B3GNT6: variants seen among roughly 807,000 people sequenced by gnomAD.
B3GNT6 encodes the protein acetylgalactosaminyl-O-glycosyl-glycoprotein beta-1,3-N-acetylglucosaminyltransferase.
For missense variants in B3GNT6, 624 were observed against 568.6 expected (o/e 1.10, Z -0.99); for synonymous variants, 300 against 270.0 (o/e 1.11, Z -1.09).
intron 1 of B3GNT6, among the ~76,000 whole-genome samples, chr11:77,036,246 G>A (rs782126691): frequency 1.5e-4 from 23 of 152,134 alleles, no homozygotes; most frequent in Non-Finnish European, 1.9e-4. Context: ...AGCTTATCTC[G>A]CAAGCCCTCT....
chr11:77,039,482 G>A (rs1949664105), intron 1 of B3GNT6, 70 bp from the exon 2 acceptor site: 1 of 1,512,130 alleles, frequency 6.6e-7, no homozygotes, highest in East Asian at 2.4e-5. Context: ...AGAAGTGACG[G>A]GGTACGGGTG....
intron 1 of B3GNT6, 64 bp from the exon 2 acceptor site, chr11:77,039,488 G>A (rs1003592564): frequency 2.6e-6 from 4 of 1,517,386 alleles, no homozygotes; most frequent in African/African-American, 2.8e-5. Context: ...GACGGGGTAC[G>A]GGTGGTGTCC....
At position 77,040,055 on chromosome 11, in the gene B3GNT6, G is replaced by A. The variant is rs1017033463; in HGVS notation, c.504G>A (p.Ala168=). The A allele has an allele frequency of 5.7e-6, 9 of 1,571,706 alleles. No individual in the cohort carries two copies. In the South Asian group the frequency reaches 8.0e-5, roughly 14 times the overall value. ...CGGGCCCCGAGGACGAGGCGCGCGC[G>A]GAGCGGCTGGCGGAGCTGGTGGCGC... The part of the protein sequence containing the change: ...GTPGPEDEAR[A]ERLAELVALE... The change falls in exon 2 of 2, where the codon GCG becomes GCA. Residue 168 remains alanine, a synonymous_variant. Coordinates refer to ENST00000622824, the MANE Select transcript of B3GNT6 (RefSeq NM_138706.5).
chr11:77,036,784 C>T (rs911911486), intron 1 of B3GNT6, among the ~76,000 whole-genome samples: 6 of 152,218 alleles, frequency 3.9e-5, no homozygotes, highest in Non-Finnish European at 7.3e-5. Flanking sequence ...TAACCTCCCA[C>T]CCTATGCAGG....
Position 77,039,823 on chromosome 11 carries a change from A to T in B3GNT6, c.272A>T (p.Asp91Val). 6.4e-7 allele frequency: 1 copy of T among 1,574,798 alleles called. No homozygotes were observed. The change falls in exon 2 of 2, where the codon GAC becomes GTC. Residue 91 changes from aspartate (D) to valine (V), a missense_variant. By Grantham distance (152) the Asp-to-Val change is radical. Transcript: ENST00000622824. Reference sequence around the variant, plus strand: ...GAGCAGCTGCCCGCGCGCATCCAGGACTTCCTGCGGTACCGCCACTGCCGC... The same window carrying T: ...GAGCAGCTGCCCGCGCGCATCCAGGTCTTCCTGCGGTACCGCCACTGCCGC... ...DFEQLPARIQ[D>V]FLRYRHCRHF...
At chr11:77,036,557 G>A (rs1415148627) in intron 1 of B3GNT6, among the ~76,000 whole-genome samples, 3 of 152,124 alleles carry the variant, frequency 2.0e-5, no homozygotes, top group Admixed American at 1.3e-4. Flanking sequence ...AATATTTATC[G>A]GCACCTTGAT....
At position 77,040,019 on chromosome 11, in the gene B3GNT6, A is replaced by G. The variant is rs371112742; in HGVS notation, c.468A>G (p.Leu156=). Residue 156 remains leucine (L), a synonymous_variant, in exon 2 of 2, where the codon CTA becomes CTG. Transcript: ENST00000622824. The part of the protein sequence containing the change: ...YGGRPVRRLF[L]LGTPGPEDEA... The stretch of plus-strand genomic sequence containing the variant: ...GGCGGCCAGTGCGCCGCCTCTTTCT[A>G]TTGGGCACCCCGGGCCCCGAGGACG... 1.3e-6 allele frequency: 2 copies of G among 1,579,226 alleles called. No homozygotes were observed. Among genetic ancestry groups the G allele is most frequent in the Admixed American group, 1.7e-5 (1 of 57,510 alleles).
chr11:77,041,159 C>T lies in B3GNT6; in HGVS notation c.*453C>T, dbSNP rs754213742. ...TGCCTACAAATGTCAGTTGTGATTT[C>T]CACTGTTTACAAGTGAGTGGAGCTG... is the stretch of plus-strand genomic sequence containing the variant. On this transcript the variant is annotated 3_prime_UTR_variant, in exon 2 of 2. Transcript: ENST00000622824. 2.6e-4 allele frequency: 42 copies of T among 163,224 alleles called. No homozygotes were observed. The highest frequency in any genetic ancestry group is 4.7e-4 in the Non-Finnish European group (36 of 75,940). 10.1% of individuals were successfully genotyped at this position (163,224 alleles called of 1,614,324 possible). A position where few individuals can be genotyped will look rare whatever the true frequency, so the allele number is the denominator to read the frequency against.
At position 77,039,672 on chromosome 11, in the gene B3GNT6, A is replaced by T; in HGVS notation, c.121A>T (p.Arg41Trp). ...GGCGCCAAGGTCCCCGCGGGAGGAG[A>T]GGTCCCCGCAGGAGGAGACGCCAGA... ...LQAPRSPREE[R>W]SPQEETPEGP... The change falls in exon 2 of 2, where the codon AGG becomes TGG. Residue 41 changes from arginine to tryptophan, a missense_variant. Coordinates refer to ENST00000622824, the MANE Select transcript of B3GNT6 (RefSeq NM_138706.5). 6.2e-7 allele frequency: 1 copy of T among 1,612,544 alleles called. No individual in the cohort carries two copies. The highest frequency in any genetic ancestry group is 8.5e-7 in the Non-Finnish European group (1 of 1,179,594).
chr11:77,034,735 G>A (rs933006636), intron 1 of B3GNT6, among the ~76,000 whole-genome samples: 6 of 152,140 alleles, frequency 3.9e-5, no homozygotes, highest in African/African-American at 9.7e-5. Context: ...TCTGCTATAC[G>A]AATATTCCTC....
rs782220216 is a variant in B3GNT6 at position 77,040,249 on chromosome 11, T to G, written c.698T>G (p.Val233Gly). The change falls in exon 2 of 2, where the codon GTC becomes GGC. Residue 233 changes from valine (V) to glycine (G), a missense_variant. Physicochemically the swap from Val to Gly is moderately radical, Grantham distance 109. Transcript: ENST00000622824. ...DDVFVHTANVVRFLQAQPPGR... is the reference protein window; with the variant it reads ...DDVFVHTANVGRFLQAQPPGR... ...GTGTTCGTGCACACCGCCAACGTAGTCCGCTTCCTGCAGGCGCAGCCACCC... is the reference window on the plus strand; with the variant it reads ...GTGTTCGTGCACACCGCCAACGTAGGCCGCTTCCTGCAGGCGCAGCCACCC... 6.3e-7 allele frequency: 1 copy of G among 1,598,652 alleles called. No homozygotes were observed. Among genetic ancestry groups the G allele is most frequent in the Admixed American group, 1.7e-5 (1 of 59,934 alleles).
At chr11:77,036,214 C>G (rs7115080) in intron 1 of B3GNT6, among the ~76,000 whole-genome samples, 39,244 of 152,044 alleles carry the variant, frequency 0.26, 6,321 homozygotes, top group South Asian at 0.37. Context: ...ACTGAGTAGA[C>G]AGTTGACGGT....
At position 77,041,711 on chromosome 11, in the gene B3GNT6, C is replaced by G. The variant is rs1358781891; in HGVS notation, c.*1005C>G. On this transcript the variant is annotated 3_prime_UTR_variant, in exon 2 of 2. Transcript: ENST00000622824. ...AGGTGGCTCACGCCTGTAATCCCAGCACTTTGGGAGGCTGAGGAGGTCGGA... is the reference window on the plus strand; with the variant it reads ...AGGTGGCTCACGCCTGTAATCCCAGGACTTTGGGAGGCTGAGGAGGTCGGA... 10 of 152,780 alleles carry G rather than the reference C, an allele frequency of 6.5e-5. No individual in the cohort carries two copies. Among genetic ancestry groups the G allele is most frequent in the African/African-American group, 2.2e-4 (9 of 41,580 alleles). 9.5% of individuals were successfully genotyped at this position (152,780 alleles called of 1,614,324 possible).
chr11:77,041,358 A>G lies in B3GNT6; in HGVS notation c.*652A>G, dbSNP rs1488086227. On this transcript the variant is annotated 3_prime_UTR_variant, in exon 2 of 2. Transcript: ENST00000622824. ...CAGAGGCCCGGTCAGACAGTGACTA[A>G]TCCAGGGCCGTGGCATTCCCAGACA... 1 of 152,496 alleles carries G rather than the reference A, an allele frequency of 6.6e-6. No individual in the cohort carries two copies. The highest frequency in any genetic ancestry group is 1.5e-5 in the Non-Finnish European group (1 of 68,264). 9.4% of individuals were successfully genotyped at this position (152,496 alleles called of 1,614,324 possible). A position where few individuals can be genotyped will look rare whatever the true frequency, so the allele number is the denominator to read the frequency against.
Position 77,039,578 on chromosome 11 carries a change from G to T in B3GNT6, c.27G>T (p.Leu9=). ...TGGCTTTTCCCTGCCGCAGGTCCCT[G>T]ACTGCCAAGACTCTGGCCTGCCTCC... is the stretch of plus-strand genomic sequence containing the variant. MAFPCRRS[L]TAKTLACLLV... The change falls in exon 2 of 2, where the codon CTG becomes CTT. Residue 9 remains leucine (L), a synonymous_variant. Coordinates refer to ENST00000622824, the MANE Select transcript of B3GNT6 (RefSeq NM_138706.5). The T allele has an allele frequency of 6.3e-7, 1 of 1,589,662 alleles. No individual in the cohort carries two copies. Among genetic ancestry groups the T allele is most frequent in the Non-Finnish European group, 8.6e-7 (1 of 1,168,352 alleles).
intron 1 of B3GNT6, 32 bp from the exon 2 acceptor site, chr11:77,039,520 C>G: frequency 6.5e-7 from 1 of 1,531,650 alleles, no homozygotes; most frequent in Non-Finnish European, 8.8e-7. Context: ...AAGACGACTT[C>G]CGGCTCACCT....
intron 1 of B3GNT6, among the ~76,000 whole-genome samples, chr11:77,034,929 C>T (rs538386886): frequency 1.2e-4 from 18 of 152,174 alleles, no homozygotes; most frequent in African/African-American, 2.4e-5. Flanking sequence ...GAGGCCATGG[C>T]GGGTGGCTCA....
rs1555027858 is a variant in B3GNT6 at position 77,040,620 on chromosome 11, C to T, written c.1069C>T (p.Arg357Cys). Reference protein sequence around the residue: ...CMYRELLLVHRFAPYEMLLMW... With the variant: ...CMYRELLLVHCFAPYEMLLMW... ...GTACCGCGAGTTGCTGCTAGTGCAC[C>T]GCTTCGCGCCCTACGAGATGCTGCT... Residue 357 changes from arginine (R) to cysteine (C), a missense_variant, in exon 2 of 2, where the codon CGC (arginine) becomes TGC (cysteine). Coordinates refer to ENST00000622824, the MANE Select transcript of B3GNT6 (RefSeq NM_138706.5). 2.5e-6 allele frequency: 4 copies of T among 1,598,792 alleles called. No homozygotes were observed. The highest frequency in any genetic ancestry group is 1.7e-5 in the Admixed American group (1 of 59,686).
chr11:77,039,978 G>C lies in B3GNT6; in HGVS notation c.427G>C (p.Glu143Gln), dbSNP rs1345404402. The change falls in exon 2 of 2, where the codon GAG (glutamate) becomes CAG (glutamine). Residue 143 changes from glutamate (E) to glutamine (Q), a missense_variant. Coordinates refer to ENST00000622824, the MANE Select transcript of B3GNT6 (RefSeq NM_138706.5). Reference protein sequence around the residue: ...RELIRRTWGQERSYGGRPVRR... With the variant: ...RELIRRTWGQQRSYGGRPVRR... Reference sequence around the variant, plus strand: ...GCTCATCCGGCGCACGTGGGGGCAAGAGCGCAGCTACGGCGGGCGGCCAGT... The same window carrying C: ...GCTCATCCGGCGCACGTGGGGGCAACAGCGCAGCTACGGCGGGCGGCCAGT... 1 of 1,589,500 alleles carries C rather than the reference G, an allele frequency of 6.3e-7. No homozygotes were observed. Among genetic ancestry groups the C allele is most frequent in the African/African-American group, 1.4e-5 (1 of 73,864 alleles).
Sources: allele counts gnomAD v4.1 joint callset (sites outside exome capture counted in the v4.1 genomes callset), GRCh38; gene constraint gnomAD v4.1.1; transcripts MANE v1.5; gene names NCBI Gene and HGNC (gene_info 2026-07-23, HGNC 2026-07-21).